The following PTN variants were observed in gnomAD, a reference collection of about 807,000 sequenced individuals.
PTN encodes heparin affin regulatory protein.
A neutral mutation model predicts 24.1 loss-of-function variants in PTN; 18 were observed. The ratio of observed to expected loss-of-function variants is 0.75; its 90% CI spans 0.52 to 1.11. The LOEUF (loss-of-function observed/expected upper bound fraction) is 1.11, where lower values mean the gene tolerates loss of function less well. PTN is among the 50% of genes least tolerant of loss of function. The pLI is 0.00. For missense variants in PTN, 163 were observed against 198.8 expected, an observed-to-expected ratio of 0.82 and a Z score of 1.08; for synonymous variants, 78 against 68.6, an observed-to-expected ratio of 1.14 and a Z score of -0.67.
At chr7:137,234,715 A>G (rs551728305) in intron 4 of PTN, among the ~76,000 whole-genome samples, 1 of 152,228 alleles carries the variant, frequency 6.6e-6, no homozygotes, top group South Asian at 2.1e-4. Context: ...AAAGTTGAGA[A>G]TTCTGAAATA....
intron 1 of PTN, among the ~76,000 whole-genome samples, chr7:137,292,223 T>C (rs1809648819): frequency 6.6e-6 from 1 of 152,152 alleles, no homozygotes; most frequent in African/African-American, 2.4e-5. Context: ...TAAACCAGTG[T>C]AGTATTTGCA....
At chr7:137,251,432 C>T in intron 3 of PTN, 41 bp from the exon 4 acceptor site, 1 of 1,590,656 alleles carries the variant, frequency 6.3e-7, no homozygotes, top group Non-Finnish European at 8.6e-7. Context: ...CTTGAAAGAT[C>T]CTATCGTACT....
intron 1 of PTN, among the ~76,000 whole-genome samples, chr7:137,316,680 C>T (rs113440719): frequency 5.6e-4 from 86 of 152,246 alleles, no homozygotes; most frequent in African/African-American, 2.0e-3. Context: ...AATGGCCAGG[C>T]AATTCAGCAA....
intron 1 of PTN, among the ~76,000 whole-genome samples, chr7:137,340,852 A>G (rs1282868773): frequency 1.3e-5 from 2 of 152,176 alleles, no homozygotes; most frequent in African/African-American, 4.8e-5. Flanking sequence ...CACTCATCAC[A>G]TTGGGTGGTC....
chr7:137,333,098 G>T (rs1810385824), intron 1 of PTN, among the ~76,000 whole-genome samples: 1 of 152,226 alleles, frequency 6.6e-6, no homozygotes, highest in East Asian at 1.9e-4. Flanking sequence ...GGTGGGTTTT[G>T]GGAGGGTGGG....
intron 1 of PTN, among the ~76,000 whole-genome samples, chr7:137,308,604 T>C (rs1369632579): frequency 6.6e-6 from 1 of 152,080 alleles, no homozygotes; most frequent in Non-Finnish European, 1.5e-5. Context: ...AATATCAGGG[T>C]AGGGTGATCT....
intron 1 of PTN, among the ~76,000 whole-genome samples, chr7:137,285,445 C>G (rs1192688626): frequency 6.6e-6 from 1 of 152,152 alleles, no homozygotes; most frequent in East Asian, 1.9e-4. Context: ...GTGGGCGGAT[C>G]ACCTGAGATC....
intron 1 of PTN, among the ~76,000 whole-genome samples, chr7:137,289,183 A>C (rs1326692232): frequency 2.0e-5 from 3 of 152,192 alleles, no homozygotes; most frequent in African/African-American, 4.8e-5. Flanking sequence ...CTCTAAACAT[A>C]TTCTCAAGAT....
At chr7:137,294,703 C>T (rs967851769) in intron 1 of PTN, among the ~76,000 whole-genome samples, 15 of 152,044 alleles carry the variant, frequency 9.9e-5, no homozygotes, top group South Asian at 8.3e-4. Flanking sequence ...CTTCTAGCTA[C>T]GTATCCTTGT....
intron 1 of PTN, among the ~76,000 whole-genome samples, chr7:137,308,104 A>G (rs1449958548): frequency 2.0e-5 from 3 of 152,004 alleles, no homozygotes; most frequent in African/African-American, 7.2e-5. Flanking sequence ...TTCTGACTTG[A>G]TTTTCTTACG....
intron 1 of PTN, among the ~76,000 whole-genome samples, chr7:137,275,333 A>T (rs1809343471): frequency 6.6e-6 from 1 of 152,230 alleles, no homozygotes. Context: ...ATAAAAGAAG[A>T]AAGTATGGTA....
At chr7:137,279,046 CAT>C (rs1241006793) in intron 1 of PTN, among the ~76,000 whole-genome samples, 6 of 150,998 alleles carry the variant, frequency 4.0e-5, no homozygotes, top group Non-Finnish European at 7.4e-5. Context: ...GAGAAATTCA[CAT>C]GAGTAGAAAA....
intron 1 of PTN, among the ~76,000 whole-genome samples, chr7:137,278,262 G>C (rs113765822): frequency 0.034 from 4,529 of 131,860 alleles, 117 homozygotes; most frequent in Non-Finnish European, 0.049. Context: ...AGCCGAGATC[G>C]CGCCACTGCA....
intron 1 of PTN, among the ~76,000 whole-genome samples, chr7:137,336,887 A>G (rs537540281): frequency 1.3e-5 from 2 of 152,308 alleles, no homozygotes; most frequent in South Asian, 4.1e-4. Flanking sequence ...CAATCCTGGA[A>G]GGTAGGTATG....
chr7:137,269,285 G>T (rs1809223024), intron 1 of PTN, among the ~76,000 whole-genome samples: 1 of 152,036 alleles, frequency 6.6e-6, no homozygotes, highest in African/African-American at 2.4e-5. Context: ...TTGCTCTCTT[G>T]ATCAATTTTG....
At chr7:137,330,285 C>A (rs1272544679) in intron 1 of PTN, among the ~76,000 whole-genome samples, 2 of 149,202 alleles carry the variant, frequency 1.3e-5, no homozygotes, top group South Asian at 2.1e-4. Context: ...GACCCTGTCT[C>A]AAAAAAAATG....
chr7:137,230,848 T>C (rs965140521), intron 4 of PTN, among the ~76,000 whole-genome samples: 3 of 151,934 alleles, frequency 2.0e-5, no homozygotes, highest in African/African-American at 7.2e-5. Flanking sequence ...TGCCCCTCTT[T>C]ACTTCCATCT....
intron 1 of PTN, among the ~76,000 whole-genome samples, chr7:137,277,689 C>T (rs1208327236): frequency 6.6e-6 from 1 of 152,100 alleles, no homozygotes; most frequent in Non-Finnish European, 1.5e-5. Flanking sequence ...CCTACCTCAG[C>T]CTCTCAAGTA....
At chr7:137,268,264 G>C (rs1019161724) in intron 1 of PTN, among the ~76,000 whole-genome samples, 2 of 152,074 alleles carry the variant, frequency 1.3e-5, no homozygotes, top group African/African-American at 4.8e-5. Context: ...CCCCCGCAGG[G>C]ATGTTCCACA....
Sources: gnomAD v4.1 joint callset for allele counts (sites outside exome capture counted in the v4.1 genomes callset) on GRCh38, gnomAD v4.1.1 for gene constraint, MANE v1.5 for transcripts, NCBI Gene and HGNC (gene_info 2026-07-23, HGNC 2026-07-21) for gene names.